ISM1: variants seen among roughly 807,000 people sequenced by gnomAD.
ISM1 encodes isthmin 1, also known as isthmin-1.
ISM1 carries 25 observed loss-of-function variants against 46.3 expected under a neutral mutation model. That is an observed-to-expected ratio of 0.54 (90% CI 0.39 to 0.75). The LOEUF is 0.75. Ranked by LOEUF, ISM1 falls within the 30% of genes least tolerant of loss-of-function variation. The pLI is 0.00. For missense variants in ISM1, 536 were observed against 625.4 expected, an observed-to-expected ratio of 0.86 and a Z score of 1.52; for synonymous variants, 255 against 256.7, an observed-to-expected ratio of 0.99 and a Z score of 0.06.
chr20:13,306,029 C>T, the ISM1 span, among the ~76,000 whole-genome samples: 1 of 152,078 alleles, frequency 6.6e-6, no homozygotes, highest in Non-Finnish European at 1.5e-5. Context: ...TCTATCTGTT[C>T]TGGGAGTAAT....
intron 1 of ISM1, among the ~76,000 whole-genome samples, chr20:13,264,719 T>G (rs1304602171): frequency 6.6e-6 from 1 of 152,190 alleles, no homozygotes. Flanking sequence ...GATTGGACAT[T>G]CTTGGTGTTG....
chr20:13,256,864 T>C (rs1600514836), intron 1 of ISM1, among the ~76,000 whole-genome samples: 1 of 152,226 alleles, frequency 6.6e-6, no homozygotes, highest in East Asian at 1.9e-4. Context: ...AAGTGATACG[T>C]AAAAGTGTTT....
At chr20:13,249,977 G>A (rs2039848874) in intron 1 of ISM1, among the ~76,000 whole-genome samples, 1 of 152,186 alleles carries the variant, frequency 6.6e-6, no homozygotes, top group African/African-American at 2.4e-5. Flanking sequence ...GAAAATCCAG[G>A]AGGAGGCCCA....
At chr20:13,306,979 T>C in the ISM1 span, among the ~76,000 whole-genome samples, 11 of 152,126 alleles carry the variant, frequency 7.2e-5, no homozygotes, top group African/African-American at 2.2e-4. Flanking sequence ...AAAGACCACA[T>C]TTGAATCCCT....
chr20:13,308,548 T>C, the ISM1 span, among the ~76,000 whole-genome samples: 1 of 152,026 alleles, frequency 6.6e-6, no homozygotes, highest in South Asian at 2.1e-4. Context: ...TTTTGTATTG[T>C]CAAAAAGTGG....
rs140349318 is a variant in ISM1, at chr20:13,225,142, C to T, written c.138+3228C>T. 7.8e-4 allele frequency among the ~76,000 whole-genome samples: 119 copies of T among 152,140 alleles called. 1 individual carries two copies. The East Asian group carries it at 0.017, about 22-fold the overall frequency. ...TGCTGGGATTACAGGCGTGAGCCACCGCGCCCGGCCCATACTAGCTTTCTT... is the reference window on the plus strand; with the variant it reads ...TGCTGGGATTACAGGCGTGAGCCACTGCGCCCGGCCCATACTAGCTTTCTT... On this transcript the variant is annotated intron_variant, in intron 1 of 5. Transcript: ENST00000262487.
chr20:13,263,375 C>T (rs1228642521), intron 1 of ISM1, among the ~76,000 whole-genome samples: 3 of 152,030 alleles, frequency 2.0e-5, no homozygotes, highest in Non-Finnish European at 4.4e-5. Flanking sequence ...TCGTGGTCTC[C>T]ATCCATCTTC....
intron 1 of ISM1, among the ~76,000 whole-genome samples, chr20:13,268,341 CTTCTTCCTCTCTCTCTCTCTCT>C (rs2040070783): frequency 2.2e-5 from 3 of 136,186 alleles, no homozygotes; most frequent in African/African-American, 8.3e-5. Context: ...CCTTCTCCTT[CTTCTTCCTCTCTCTCTCTCTCT>C]CTCTCTCTCT....
At chr20:13,296,268 C>T (rs929286994) in intron 5 of ISM1, among the ~76,000 whole-genome samples, 11 of 152,084 alleles carry the variant, frequency 7.2e-5, no homozygotes, top group African/African-American at 2.4e-4. Context: ...TCTCTGGACC[C>T]GAGCCCAGCT....
At chr20:13,311,182 GA>G in the ISM1 span, among the ~76,000 whole-genome samples, 34 of 144,882 alleles carry the variant, frequency 2.3e-4, no homozygotes, top group Non-Finnish European at 4.7e-4. Context: ...CAACAAGAGT[GA>G]AACTCCATCT....
intron 1 of ISM1, among the ~76,000 whole-genome samples, chr20:13,267,126 C>T (rs1014750331): frequency 2.0e-5 from 3 of 152,200 alleles, no homozygotes; most frequent in Non-Finnish European, 4.4e-5. Context: ...CACACTTCCC[C>T]TATCCTAGGA....
downstream of ISM1, among the ~76,000 whole-genome samples, chr20:13,302,098 G>A (rs1452821549): frequency 1.3e-5 from 2 of 152,206 alleles, no homozygotes; most frequent in African/African-American, 4.8e-5. Flanking sequence ...GGCAAGTTAT[G>A]GAGCCATGTC....
the ISM1 span, among the ~76,000 whole-genome samples, chr20:13,321,977 T>G: frequency 6.6e-6 from 1 of 152,208 alleles, no homozygotes; most frequent in Admixed American, 6.5e-5. Flanking sequence ...ACGATACTGT[T>G]GCTCACAGGG....
the ISM1 span, among the ~76,000 whole-genome samples, chr20:13,308,771 C>A: frequency 6.6e-6 from 1 of 152,088 alleles, no homozygotes; most frequent in Non-Finnish European, 1.5e-5. Context: ...TCCTAACCCC[C>A]AAAGTTATGA....
chr20:13,224,370 CATTTATT>C (rs2039489335), intron 1 of ISM1, among the ~76,000 whole-genome samples: 1 of 152,196 alleles, frequency 6.6e-6, no homozygotes, highest in Non-Finnish European at 1.5e-5. Flanking sequence ...CTGCAAAAGA[CATTTATT>C]AGTCCATCGT....
At chr20:13,271,466 C>A (rs1015789835) in intron 2 of ISM1, among the ~76,000 whole-genome samples, 1 of 152,160 alleles carries the variant, frequency 6.6e-6, no homozygotes, top group Non-Finnish European at 1.5e-5. Context: ...AAATGTTGAT[C>A]GGATTTGACC....
In ISM1 at chr20:13,221,871, G is replaced by C. The variant is rs1254696230; in HGVS notation, c.95G>C (p.Gly32Ala). The C allele has an allele frequency of 7.1e-7, 1 of 1,414,324 alleles. No homozygotes were observed. The allele number at this position is 1,414,324 out of a possible 1,614,324, so 87.6% of individuals were successfully genotyped here. A position where few individuals can be genotyped will look rare whatever the true frequency, so the allele number is the denominator to read the frequency against. Residue 32 changes from glycine (G) to alanine (A), a missense_variant, in exon 1 of 6, where the codon GGG becomes GCG. By Grantham distance (60) the Gly-to-Ala change is moderately conservative. This residue lies in a region of ISM1 where 367 missense variants were observed against 376.1 expected (regional missense o/e 0.98). Coordinates refer to ENST00000262487, the MANE Select transcript of ISM1 (RefSeq NM_080826.2). Reference protein sequence around the residue: ...TVLRGSGAADGPDAAAGNASQ... With the variant: ...TVLRGSGAADAPDAAAGNASQ... ...CTGCGCGGCTCGGGAGCCGCCGACGGGCCCGACGCGGCCGCGGGCAACGCC... is the reference window on the plus strand; with the variant it reads ...CTGCGCGGCTCGGGAGCCGCCGACGCGCCCGACGCGGCCGCGGGCAACGCC...
At chr20:13,319,423 T>C in the ISM1 span, among the ~76,000 whole-genome samples, 1 of 152,138 alleles carries the variant, frequency 6.6e-6, no homozygotes, top group South Asian at 2.1e-4. Context: ...TCACATTGCA[T>C]CTGAGTTTCA....
intron 1 of ISM1, among the ~76,000 whole-genome samples, chr20:13,266,953 T>C (rs2040049505): frequency 6.6e-6 from 1 of 152,220 alleles, no homozygotes; most frequent in South Asian, 2.1e-4. Context: ...GTAAGTCCCT[T>C]TGAGAAGAGA....
Sources: gnomAD v4.1 joint callset for allele counts (sites outside exome capture counted in the v4.1 genomes callset) on GRCh38, gnomAD v4.1.1 for gene constraint, gnomAD v4.1.1 regional missense constraint, MANE v1.5 for transcripts, NCBI Gene and HGNC (gene_info 2026-07-23, HGNC 2026-07-21) for gene names.